The following EP400 variants were observed in gnomAD, a reference collection of about 807,000 sequenced individuals.
EP400 encodes the protein E1A binding protein p400.
EP400 carries 105 observed loss-of-function variants against 354.1 expected under a neutral mutation model. That is an observed-to-expected ratio of 0.30 (90% CI 0.25 to 0.35). EP400 has a LOEUF of 0.35. Ranked by LOEUF, EP400 falls within the 10% of genes least tolerant of loss-of-function variation. EP400 has a pLI of 1.00. For missense variants in EP400, 3,280 were observed against 4,121.0 expected, an observed-to-expected ratio of 0.80 and a Z score of 5.59; for synonymous variants, 1,646 against 1,716.9, an observed-to-expected ratio of 0.96 and a Z score of 1.02.
intron 15 of EP400, among the ~76,000 whole-genome samples, chr12:132,010,085 CTT>C (rs771764984): frequency 1.4e-4 from 19 of 134,520 alleles, no homozygotes; most frequent in Admixed American, 1.5e-4. Context: ...GAGGTTGTGT[CTT>C]TTTTTTTTTT....
rs2136592827 is a variant in EP400 at position 132,054,084 on chromosome 12, T to A, written c.7728+487T>A. 6.6e-6 allele frequency among the ~76,000 whole-genome samples: 1 copy of A among 152,242 alleles called. No individual in the cohort carries two copies. The highest frequency in any genetic ancestry group is 6.5e-5 in the Admixed American group (1 of 15,292). On this transcript the variant is annotated intron_variant, in intron 43 of 52. Transcript: ENST00000389561. The surrounding 1 kb of genome is among the most constrained non-coding windows in gnomAD (Gnocchi z 4.0). ...AAGCATTGTGAAAAGAAAGGCAGGG[T>A]GCGGAGCTGCGGACTGTGGCCATGC... is the stretch of plus-strand genomic sequence containing the variant.
chr12:132,039,589 C>T (rs1482920227), intron 32 of EP400, among the ~76,000 whole-genome samples: 1 of 152,218 alleles, frequency 6.6e-6, no homozygotes, highest in East Asian at 1.9e-4. Flanking sequence ...CCCGCCACCA[C>T]CCCGTTTCTC....
chr12:132,053,528 G>T lies in EP400; in HGVS notation c.7659G>T (p.Gln2553His). ...AACCCCAGCCACAGCCCCAGACCCA[G>T]CCACAGCCTGTGCAGGCCCCAGCGA... Reference protein sequence around the residue: ...QPQPQPQPQTQPQPVQAPAKA... With the variant: ...QPQPQPQPQTHPQPVQAPAKA... The change falls in exon 43 of 53, where the codon CAG (glutamine) becomes CAT (histidine). Residue 2553 changes from glutamine (Q) to histidine (H), a missense_variant. Gln to His is a conservative substitution (Grantham distance 24, BLOSUM62 0). Around this residue, in one of 20 missense-constraint regions of EP400, gnomAD observed 255 missense variants for 295.9 expected, o/e 0.86. Transcript: ENST00000389561. 2 of 1,550,048 alleles carry T rather than the reference G, an allele frequency of 1.3e-6. No homozygotes were observed. The highest frequency in any genetic ancestry group is 8.7e-7 in the Non-Finnish European group (1 of 1,154,492).
intron 7 of EP400, among the ~76,000 whole-genome samples, chr12:131,988,790 GC>G (rs1892941334): frequency 6.6e-6 from 1 of 152,054 alleles, no homozygotes; most frequent in African/African-American, 2.4e-5. Context: ...TGTTTCTTGG[GC>G]CCTAGGGTCT....
intron 2 of EP400, among the ~76,000 whole-genome samples, chr12:131,973,502 G>A (rs1389072642): frequency 6.6e-6 from 1 of 152,184 alleles, no homozygotes; most frequent in Non-Finnish European, 1.5e-5. Context: ...AATTTGCCGG[G>A]TGTGGTGGCG....
At chr12:131,963,833 T>G (rs1891983169) in intron 2 of EP400, among the ~76,000 whole-genome samples, 1 of 152,184 alleles carries the variant, frequency 6.6e-6, no homozygotes, top group Admixed American at 6.5e-5. Context: ...ATGACACAGA[T>G]CTTAGTGCAT....
At chr12:131,966,108 G>A (rs572738117) in intron 2 of EP400, among the ~76,000 whole-genome samples, 1 of 152,064 alleles carries the variant, frequency 6.6e-6, no homozygotes, top group African/African-American at 2.4e-5. Context: ...GAACCCGTCC[G>A]GCCGGGTGCA....
chr12:131,996,836 G>A (rs1319104960), intron 12 of EP400, among the ~76,000 whole-genome samples: 1 of 152,024 alleles, frequency 6.6e-6, no homozygotes, highest in East Asian at 1.9e-4. Flanking sequence ...TTGACTTGTT[G>A]GTGATGGTCT....
chr12:132,039,121 A>T (rs997513777), intron 32 of EP400, among the ~76,000 whole-genome samples: 8 of 151,920 alleles, frequency 5.3e-5, no homozygotes, highest in African/African-American at 1.9e-4. Context: ...GCCTGTGCTC[A>T]GCTTGTTCTT....
Position 132,010,252 on chromosome 12 carries a change from A to G in EP400, c.3305-1246A>G, listed in dbSNP as rs542500714. Among the ~76,000 whole-genome samples the G allele has an allele frequency of 3.9e-5, 6 of 152,022 alleles. No homozygotes were observed. In the East Asian group the frequency reaches 1.2e-3, roughly 30 times the overall value. On this transcript the variant is annotated intron_variant, in intron 15 of 52. Coordinates refer to ENST00000389561, the MANE Select transcript of EP400 (RefSeq NM_015409.5). Reference sequence around the variant, plus strand: ...CAGGCACACGCCACCACGCCCAGCTAATTTTTGTATTTTTAGTAGAGACAG... The same window carrying G: ...CAGGCACACGCCACCACGCCCAGCTGATTTTTGTATTTTTAGTAGAGACAG...
At chr12:131,954,082 G>C (rs932981924) in intron 1 of EP400, among the ~76,000 whole-genome samples, 1 of 152,056 alleles carries the variant, frequency 6.6e-6, no homozygotes, top group African/African-American at 2.4e-5. Context: ...CGCAGCACTC[G>C]AGTTTAGGTG....
rs141823156 is a variant in EP400, at chr12:132,045,769, G to A, written c.7069G>A (p.Val2357Met). ...GGAGCTGCCTTTGAACCTCACAATC[G>A]TGTCACCTGCTCACACACCTAATTG... Reference protein sequence around the residue: ...LLELPLNLTIVSPAHTPNWDL... With the variant: ...LLELPLNLTIMSPAHTPNWDL... Residue 2357 changes from valine (V) to methionine (M), a missense_variant, in exon 39 of 53, where the codon GTG becomes ATG. Val to Met is a conservative substitution (Grantham distance 21). Transcript: ENST00000389561. 216 of 1,614,210 alleles carry A rather than the reference G, an allele frequency of 1.3e-4. No homozygotes were observed. The highest frequency in any genetic ancestry group is 1.7e-4 in the Non-Finnish European group (203 of 1,180,038).
intron 2 of EP400, among the ~76,000 whole-genome samples, chr12:131,973,487 C>T (rs559249830): frequency 2.8e-3 from 425 of 152,208 alleles, no homozygotes; most frequent in Non-Finnish European, 4.4e-3. Flanking sequence ...ACCAAAAATA[C>T]CAAAAATTTG....
intron 5 of EP400, among the ~76,000 whole-genome samples, chr12:131,985,632 A>G (rs1892829646): frequency 6.6e-6 from 1 of 152,090 alleles, no homozygotes; most frequent in African/African-American, 2.4e-5. Flanking sequence ...TTTGAGACGG[A>G]GTTTTGCTCT....
chr12:132,035,305 AT>A (rs1198229280), intron 30 of EP400, among the ~76,000 whole-genome samples: 1 of 152,172 alleles, frequency 6.6e-6, no homozygotes, highest in Non-Finnish European at 1.5e-5. Flanking sequence ...CTATCTAAGG[AT>A]GTGTGTCGCA....
chr12:131,985,178 G>T (rs962254615), intron 5 of EP400, among the ~76,000 whole-genome samples: 2 of 152,184 alleles, frequency 1.3e-5, no homozygotes, highest in Non-Finnish European at 2.9e-5. Context: ...TTAAAGAAGC[G>T]CTTTACAAAG....
rs990571514 is a variant in EP400, at chr12:132,024,050, C to T, written c.4855+109C>T. The T allele has an allele frequency of 1.4e-5, 17 of 1,246,338 alleles. No homozygotes were observed. The Middle Eastern group carries it at 1.1e-3, about 83-fold the overall frequency. The allele number at this position is 1,246,338 out of a possible 1,614,324, so 77.2% of individuals were successfully genotyped here. A position where few individuals can be genotyped will look rare whatever the true frequency, so the allele number is the denominator to read the frequency against. On this transcript the variant is annotated intron_variant, in intron 24 of 52. Transcript: ENST00000389561. ...GTGCATTTAAGTGTCAGGCTTTTCCCTGTGTCCGATGATGCATCTCACCTC... is the reference window on the plus strand; with the variant it reads ...GTGCATTTAAGTGTCAGGCTTTTCCTTGTGTCCGATGATGCATCTCACCTC...
chr12:132,017,781 G>A lies in EP400; in HGVS notation c.4110+60G>A. 6.8e-7 allele frequency: 1 copy of A among 1,467,924 alleles called. No individual in the cohort carries two copies. The highest frequency in any genetic ancestry group is 9.0e-7 in the Non-Finnish European group (1 of 1,106,762). 90.9% of individuals were successfully genotyped at this position (1,467,924 alleles called of 1,614,324 possible). On this transcript the variant is annotated intron_variant, in intron 20 of 52. Transcript: ENST00000389561. This position sits in a 1 kb window ranked among gnomAD's most constrained non-coding sequence, Gnocchi z 5.0. The stretch of plus-strand genomic sequence containing the variant: ...GGATATCTTTTCTAGGCACATTATA[G>A]ATAAAACCATTCTTGGAAATGGGTT...
intron 30 of EP400, among the ~76,000 whole-genome samples, chr12:132,036,289 C>T (rs1200041864): frequency 6.6e-6 from 1 of 150,616 alleles, no homozygotes; most frequent in African/African-American, 2.5e-5. Context: ...CCCAGGTTCG[C>T]ACGGAATGTC....
Sources: gnomAD v4.1 joint callset for allele counts (sites outside exome capture counted in the v4.1 genomes callset) on GRCh38, gnomAD v4.1.1 for gene constraint, gnomAD v4.1.1 regional missense constraint, Gnocchi (gnomAD v3.1) non-coding constraint, MANE v1.5 for transcripts, NCBI Gene and HGNC (gene_info 2026-07-23, HGNC 2026-07-21) for gene names.